DNAH11: variants seen among roughly 807,000 people sequenced by gnomAD.
DNAH11 encodes the protein axonemal beta dynein heavy chain 11.
In DNAH11, 442 loss-of-function variants were observed where a neutral mutation model predicts 526.0. That is an observed-to-expected ratio of 0.84 (90% confidence interval 0.78 to 0.91). The LOEUF (loss-of-function observed/expected upper bound fraction) is 0.91. Among genes scored for constraint, DNAH11 ranks in the 40% least tolerant of loss-of-function variants. The pLI is 0.00. For synonymous variants in DNAH11, 2,461 were observed against 1,935.9 expected (o/e 1.27, Z -7.12); for missense variants, 6,989 against 5,448.7 (o/e 1.28, Z -8.90).
At chr7:21,854,864 G>T (rs1001507258) in intron 68 of DNAH11, among the ~76,000 whole-genome samples, 1 of 151,848 alleles carries the variant, frequency 6.6e-6, no homozygotes, top group Non-Finnish European at 1.5e-5. Flanking sequence ...TTAAGCCATC[G>T]GTGTACCCAG....
chr7:21,638,829 A>G lies in DNAH11; in HGVS notation c.4818-110A>G, dbSNP rs190522234. The G allele has an allele frequency of 5.4e-4, 699 of 1,305,738 alleles. 5 individuals carry two copies. The African/African-American group carries it at 8.9e-3, about 17-fold the overall frequency. 80.9% of individuals were successfully genotyped at this position (1,305,738 alleles called of 1,614,324 possible). ...AAGAAGGAAGTAAGCTACCTGTTAA[A>G]CAGTGAGTTTACTATAATGAATGGA... On this transcript the variant is annotated intron_variant, in intron 27 of 81. Transcript: ENST00000409508.
intron 2 of DNAH11, among the ~76,000 whole-genome samples, chr7:21,558,466 G>A (rs1255258511): frequency 6.6e-6 from 1 of 152,152 alleles, no homozygotes; most frequent in Admixed American, 6.6e-5. Context: ...TTTCATTAAT[G>A]TGCCTGCCAG....
intron 54 of DNAH11, among the ~76,000 whole-genome samples, chr7:21,751,492 G>A (rs1018932893): frequency 8.5e-5 from 13 of 152,152 alleles, no homozygotes; most frequent in African/African-American, 3.1e-4. Flanking sequence ...AAACTCATCA[G>A]GAAGCCAATT....
At chr7:21,802,105 A>G (rs2127993771) in intron 62 of DNAH11, among the ~76,000 whole-genome samples, 1 of 152,310 alleles carries the variant, frequency 6.6e-6, no homozygotes, top group South Asian at 2.1e-4. Context: ...CTCAAAAGAC[A>G]TAATGTACGT....
chr7:21,591,468 G>T lies in DNAH11; in HGVS notation c.2558G>T (p.Arg853Ile). 6.2e-7 allele frequency: 1 copy of T among 1,613,916 alleles called. No homozygotes were observed. The highest frequency in any genetic ancestry group is 8.5e-7 in the Non-Finnish European group (1 of 1,179,840). The change falls in exon 14 of 82, where the codon AGA (arginine) becomes ATA (isoleucine). Residue 853 changes from arginine to isoleucine, a missense_variant. Physicochemically the swap from Arg to Ile is moderately conservative, Grantham distance 97. Transcript: ENST00000409508. The part of the protein sequence containing the change: ...GWARCVLPPR[R>I]EHRREAAFTL... ...GCCAGGTGCGTGCTACCTCCCAGGA[G>T]AGAGCACAGACGAGAGGCAGCCTTC...
chr7:21,847,477 A>G (rs1782461299), intron 66 of DNAH11, among the ~76,000 whole-genome samples: 1 of 152,156 alleles, frequency 6.6e-6, no homozygotes. Flanking sequence ...TTTAATCTCC[A>G]AATATTTTTG....
chr7:21,566,408 C>T (rs1232486797), intron 6 of DNAH11, among the ~76,000 whole-genome samples: 1 of 152,104 alleles, frequency 6.6e-6, no homozygotes, highest in Non-Finnish European at 1.5e-5. Context: ...TAACAATTAG[C>T]CAATGTCCAT....
At chr7:21,545,256 G>T in intron 2 of DNAH11, 107 bp downstream of exon 2, 1 of 601,482 alleles carries the variant, frequency 1.7e-6, no homozygotes, top group Non-Finnish European at 2.5e-6. Flanking sequence ...GAGGGGAAGG[G>T]AAGGGGATGG....
intron 76 of DNAH11, among the ~76,000 whole-genome samples, chr7:21,884,692 C>T (rs1482899939): frequency 1.3e-5 from 2 of 152,280 alleles, no homozygotes; most frequent in South Asian, 2.1e-4. Flanking sequence ...TTTATAAAAA[C>T]CCTATGAGGT....
chr7:21,588,566 A>G lies in DNAH11; in HGVS notation c.1903A>G (p.Met635Val), dbSNP rs776349734. ...GAACATGCCATTTACCTCAGGAAAT[A>G]TGAAATGGGCCCAGCAGGTTCTCCA... The part of the protein sequence containing the change: ...NKNMPFTSGN[M>V]KWAQQVLQRL... Residue 635 changes from methionine to valine, a missense_variant, in exon 11 of 82, where the codon ATG becomes GTG. By Grantham distance (21) the Met-to-Val change is conservative (BLOSUM62 1). Coordinates refer to ENST00000409508, the MANE Select transcript of DNAH11 (RefSeq NM_001277115.2). 5.6e-6 allele frequency: 9 copies of G among 1,613,696 alleles called. No homozygotes were observed. Among genetic ancestry groups the G allele is most frequent in the Non-Finnish European group, 7.6e-6 (9 of 1,179,586 alleles).
At chr7:21,768,058 A>G (rs1787255739) in intron 55 of DNAH11, among the ~76,000 whole-genome samples, 1 of 152,180 alleles carries the variant, frequency 6.6e-6, no homozygotes, top group Non-Finnish European at 1.5e-5. Context: ...TGTTTGTGCT[A>G]TTTTTCTGTT....
At chr7:21,712,762 G>T (rs1784508585) in intron 42 of DNAH11, among the ~76,000 whole-genome samples, 1 of 152,102 alleles carries the variant, frequency 6.6e-6, no homozygotes, top group Admixed American at 6.5e-5. Context: ...TAAAATGTTG[G>T]TATAAAATTC....
At chr7:21,624,463 G>A (rs528621897) in intron 25 of DNAH11, among the ~76,000 whole-genome samples, 1 of 152,256 alleles carries the variant, frequency 6.6e-6, no homozygotes, top group African/African-American at 2.4e-5. Context: ...TTAGGATGGA[G>A]CTGTTAGGAT....
rs757895588 is a variant in DNAH11 at position 21,606,474 on chromosome 7, A to G, written c.3697A>G (p.Arg1233Gly). ...ETTKKIAATV[R>G]HEVSPLHNAE... Reference sequence around the variant, plus strand: ...TACCAAAAAGATCGCAGCAACTGTCAGACATGAAGTCTCACCTCTCCATAA... The same window carrying G: ...TACCAAAAAGATCGCAGCAACTGTCGGACATGAAGTCTCACCTCTCCATAA... Residue 1233 changes from arginine (R) to glycine (G), a missense_variant, in exon 19 of 82, where the codon AGA becomes GGA. By Grantham distance (125) the Arg-to-Gly change is moderately radical (BLOSUM62 -2). Transcript: ENST00000409508. 7.1e-5 allele frequency: 115 copies of G among 1,610,238 alleles called. 1 individual carries two copies. The highest frequency in any genetic ancestry group is 9.2e-5 in the Non-Finnish European group (109 of 1,179,142).
intron 45 of DNAH11, among the ~76,000 whole-genome samples, chr7:21,732,595 TGAG>T (rs986872478): frequency 3.5e-4 from 54 of 152,288 alleles, no homozygotes; most frequent in African/African-American, 1.3e-3. Flanking sequence ...CATAGAAATT[TGAG>T]GAGGAGACAA....
intron 30 of DNAH11, among the ~76,000 whole-genome samples, chr7:21,678,585 CAA>C (rs57997636): frequency 2.1e-5 from 3 of 142,024 alleles, no homozygotes; most frequent in African/African-American, 7.7e-5. Flanking sequence ...TCTACATCTG[CAA>C]AAAAAAAAAT....
At chr7:21,803,712 C>T (rs1267683501) in intron 62 of DNAH11, among the ~76,000 whole-genome samples, 1 of 150,456 alleles carries the variant, frequency 6.6e-6, no homozygotes, top group Non-Finnish European at 1.5e-5. Flanking sequence ...GGGAATGGGG[C>T]TGTCATCATT....
At chr7:21,825,600 G>A (rs7800650) in intron 65 of DNAH11, among the ~76,000 whole-genome samples, 4 of 150,790 alleles carry the variant, frequency 2.7e-5, no homozygotes, top group South Asian at 2.1e-4. Flanking sequence ...TTCCTATGAC[G>A]AACTATTCCT....
At chr7:21,799,612 A>T (rs962571388) in intron 61 of DNAH11, among the ~76,000 whole-genome samples, 5 of 152,248 alleles carry the variant, frequency 3.3e-5, no homozygotes, top group Non-Finnish European at 7.3e-5. Flanking sequence ...CTGGGATTAC[A>T]GGCATGACCC....
Sources: allele counts gnomAD v4.1 joint callset (sites outside exome capture counted in the v4.1 genomes callset), GRCh38; gene constraint gnomAD v4.1.1; transcripts MANE v1.5; gene names NCBI Gene and HGNC (gene_info 2026-07-23, HGNC 2026-07-21).